Variants in CEP104 observed in about 807,000 individuals in gnomAD.
CEP104 encodes the protein centrosomal protein 104, also known as centrosomal protein of 104 kDa.
In CEP104, 84 loss-of-function variants were observed where a neutral mutation model predicts 113.3. The ratio of observed to expected loss-of-function variants is 0.74; its 90% CI spans 0.62 to 0.89. The LOEUF (loss-of-function observed/expected upper bound fraction) is 0.89. Ranked by LOEUF, CEP104 falls within the 40% of genes least tolerant of loss-of-function variation. CEP104 has a pLI of 0.00. For missense variants in CEP104, 1,053 were observed against 1,156.6 expected (o/e 0.91, Z 1.30); for synonymous variants, 378 against 421.7 (o/e 0.90, Z 1.27).
At position 3,836,592 on chromosome 1, in the gene CEP104, T is replaced by C. The variant is rs963375935; in HGVS notation, c.1220A>G (p.Asp407Gly). 1 of 1,590,920 alleles carries C rather than the reference T, an allele frequency of 6.3e-7. No individual in the cohort carries two copies. Among genetic ancestry groups the C allele is most frequent in the East Asian group, 2.3e-5 (1 of 43,236 alleles). ...EPEMSNADIS[D>G]ARRGGMLGEP... The stretch of plus-strand genomic sequence containing the variant: ...CCCTAACATGCCTCCCCTCCGAGCA[T>C]CGCTGATGTCTGCATTACTCATTTC... The change falls in exon 10 of 22, where the codon GAT becomes GGT. Residue 407 changes from aspartate to glycine, a missense_variant. Asp to Gly is a moderately conservative substitution (Grantham distance 94). Coordinates refer to ENST00000378230, the MANE Select transcript of CEP104 (RefSeq NM_014704.4).
chr1:3,824,098 T>TA (rs1644036356), intron 18 of CEP104, among the ~76,000 whole-genome samples: 1 of 152,166 alleles, frequency 6.6e-6, no homozygotes, highest in South Asian at 2.1e-4. Flanking sequence ...GATATATATA[T>TA]TTTTTGAGAT....
rs1362735648 is a variant in CEP104 at position 3,848,756 on chromosome 1, C to T, written c.139G>A (p.Val47Ile). 1.6e-5 allele frequency: 25 copies of T among 1,609,500 alleles called. No homozygotes were observed. The highest frequency in any genetic ancestry group is 2.1e-5 in the Non-Finnish European group (25 of 1,178,804). Residue 47 changes from valine (V) to isoleucine (I), a missense_variant, in exon 3 of 22, where the codon GTC becomes ATC. By Grantham distance (29) the Val-to-Ile change is conservative (BLOSUM62 3). Coordinates refer to ENST00000378230, the MANE Select transcript of CEP104 (RefSeq NM_014704.4). ...CGACATCTCTCCACCATTTGAAGGACAATTTCTTGTGGAAACTGGCAAAAT... is the reference window on the plus strand; with the variant it reads ...CGACATCTCTCCACCATTTGAAGGATAATTTCTTGTGGAAACTGGCAAAAT... The part of the protein sequence containing the change: ...PRFCQFPQEI[V>I]LQMVERCRIR...
intron 21 of CEP104, 21 bp from the exon 22 acceptor site, chr1:3,815,538 CT>C (rs1643867949): frequency 6.4e-7 from 1 of 1,553,094 alleles, no homozygotes; most frequent in Non-Finnish European, 8.7e-7. Flanking sequence ...AGCACAGGAC[CT>C]GCATTAGGAG....
At chr1:3,850,151 C>T (rs77472204) in intron 2 of CEP104, among the ~76,000 whole-genome samples, 649 of 152,314 alleles carry the variant, frequency 4.3e-3, no homozygotes, top group African/African-American at 0.015. Flanking sequence ...ACTGATGATG[C>T]ATTTCTCAGA....
intron 1 of CEP104, among the ~76,000 whole-genome samples, chr1:3,854,610 A>G (rs1397122516): frequency 6.7e-6 from 1 of 149,182 alleles, no homozygotes; most frequent in Admixed American, 6.6e-5. Context: ...CTGGGATTAC[A>G]GGCATGCACC....
intron 13 of CEP104, 127 bp downstream of exon 13, chr1:3,830,919 C>G (rs1336925622): frequency 6.1e-6 from 6 of 988,108 alleles, no homozygotes; most frequent in Admixed American, 5.8e-5. Context: ...GGATGAAACA[C>G]TGGCTATTTT....
chr1:3,829,859 T>C lies in CEP104; in HGVS notation c.1975A>G (p.Ile659Val), dbSNP rs766224711. The C allele has an allele frequency of 1.2e-6, 2 of 1,614,220 alleles. No homozygotes were observed. The highest frequency in any genetic ancestry group is 3.3e-5 in the Admixed American group (2 of 60,028). The change falls in exon 14 of 22, where the codon ATT becomes GTT. Residue 659 changes from isoleucine to valine, a missense_variant. By Grantham distance (29) the Ile-to-Val change is conservative (BLOSUM62 3). Transcript: ENST00000378230. ...CCCTCAAAAATTGTTTTGTAGAGAA[T>C]GTTCCTGCGTGTGTTGCTGTCGTCT... ...PPDDSNTRRN[I>V]LYKTIFEGFA...
chr1:3,832,740 A>C lies in CEP104; in HGVS notation c.1659+1122T>G, dbSNP rs1027774580. ...TTCTCTGTCACCCAGGCTAGAGTACAGTGGCGAGATCACGGCTCACTGCAG... is the reference window on the plus strand; with the variant it reads ...TTCTCTGTCACCCAGGCTAGAGTACCGTGGCGAGATCACGGCTCACTGCAG... On this transcript the variant is annotated intron_variant, in intron 12 of 21. Coordinates refer to ENST00000378230, the MANE Select transcript of CEP104 (RefSeq NM_014704.4). Among the ~76,000 whole-genome samples, 16 of 152,294 alleles carry C rather than the reference A, an allele frequency of 1.1e-4. 1 individual carries two copies. Among genetic ancestry groups the C allele is most frequent in the African/African-American group, 3.8e-4 (16 of 41,562 alleles).
At chr1:3,852,131 A>G (rs1206320016) in intron 2 of CEP104, among the ~76,000 whole-genome samples, 164 bp downstream of exon 2, 1 of 152,086 alleles carries the variant, frequency 6.6e-6, no homozygotes, top group Non-Finnish European at 1.5e-5. Flanking sequence ...ATTTTCTTTA[A>G]AAATATAAAC....
At chr1:3,848,414 C>T (rs938765454) in intron 3 of CEP104, among the ~76,000 whole-genome samples, 194 bp downstream of exon 3, 3 of 151,594 alleles carry the variant, frequency 2.0e-5, no homozygotes, top group East Asian at 1.9e-4. Flanking sequence ...CACCTGTAGT[C>T]CCAGCTACTC....
chr1:3,831,142 T>C lies in CEP104; in HGVS notation c.1740A>G (p.Ser580=). 1.2e-6 allele frequency: 2 copies of C among 1,614,260 alleles called. No homozygotes were observed. The highest frequency in any genetic ancestry group is 1.7e-5 in the Admixed American group (1 of 60,034). ...CCATCTGACTCATTGCCAGGTGAAC[T>C]GAAGAGTTTGCTTTCAATGGCTGCA... is the stretch of plus-strand genomic sequence containing the variant. ...YLVQPLKANS[S]VHLAMSQMGL... is the part of the protein sequence containing the mutation. The change falls in exon 13 of 22, where the codon TCA becomes TCG. Residue 580 remains serine (S), a synonymous_variant. Coordinates refer to ENST00000378230, the MANE Select transcript of CEP104 (RefSeq NM_014704.4).
In CEP104 at chr1:3,823,705, C is replaced by T. The variant is rs531049021; in HGVS notation, c.2365-143G>A. On this transcript the variant is annotated intron_variant, in intron 18 of 21. Transcript: ENST00000378230. The surrounding 1 kb of genome is among the most constrained non-coding windows in gnomAD (Gnocchi z 4.1). ...GAAGTAAGCCACAGGCTTCTATCTT[C>T]GGCATTTGCCCACAGACTGTCTGGA... 39 of 955,866 alleles carry T rather than the reference C, an allele frequency of 4.1e-5. No homozygotes were observed. The highest frequency in any genetic ancestry group is 2.3e-4 in the African/African-American group (14 of 61,318). 59.2% of individuals were successfully genotyped at this position (955,866 alleles called of 1,614,324 possible).
chr1:3,815,414 G>C lies in CEP104; in HGVS notation c.2766C>G (p.Tyr922Ter), dbSNP rs750794560. 1.2e-6 allele frequency: 2 copies of C among 1,611,570 alleles called. No individual in the cohort carries two copies. Among genetic ancestry groups the C allele is most frequent in the African/African-American group, 1.3e-5 (1 of 74,936 alleles). Residue 922 changes from tyrosine (Y) to a stop codon, truncating the protein, a stop_gained, in exon 22 of 22, where the codon TAC (tyrosine) becomes TAG (stop). Coordinates refer to ENST00000378230, the MANE Select transcript of CEP104 (RefSeq NM_014704.4). LOFTEE classifies it high-confidence loss of function. ...CCCGAGCGCCGCGTCAGCGCTTGGC[G>C]TACGTCCTGCTGGAGCTCTTGCTCA... is the stretch of plus-strand genomic sequence containing the variant. ...GGLSKSSSRT[Y>*]AKR
intron 14 of CEP104, among the ~76,000 whole-genome samples, 165 bp from the exon 15 acceptor site, chr1:3,829,538 T>A (rs555483380): frequency 2.6e-5 from 4 of 152,230 alleles, no homozygotes; most frequent in Non-Finnish European, 4.4e-5. Context: ...TGGTGTCTAT[T>A]GATAGATAAA....
intron 1 of CEP104, 90 bp from the exon 2 acceptor site, chr1:3,852,511 C>G: frequency 8.4e-7 from 1 of 1,190,128 alleles, no homozygotes; most frequent in South Asian, 1.6e-5. Context: ...CTTGCTAACA[C>G]ACACAATAAT....
In CEP104 at chr1:3,833,129, C is replaced by T. The variant is rs187614172; in HGVS notation, c.1659+733G>A. 6.4e-3 allele frequency among the ~76,000 whole-genome samples: 980 copies of T among 152,020 alleles called. 12 individuals are homozygous for T. The highest frequency in any genetic ancestry group is 0.022 in the African/African-American group (908 of 41,470). On this transcript the variant is annotated intron_variant, in intron 12 of 21. Coordinates refer to ENST00000378230, the MANE Select transcript of CEP104 (RefSeq NM_014704.4). ...CCAAGTAGCTGGGACGACAGGCACG[C>T]ACCACCACACCCGGCTAATTTTTGG... is the stretch of plus-strand genomic sequence containing the variant.
intron 6 of CEP104, 92 bp downstream of exon 6, chr1:3,844,815 G>A: frequency 2.0e-6 from 2 of 1,020,320 alleles, no homozygotes. Flanking sequence ...GAATTTAGAG[G>A]CTCTAAGTCC....
At chr1:3,848,863 A>C in intron 2 of CEP104, 82 bp from the exon 3 acceptor site, 1 of 1,163,012 alleles carries the variant, frequency 8.6e-7, no homozygotes, top group Non-Finnish European at 1.2e-6. Context: ...CTTGCAGGTA[A>C]GAAGCATTAA....
At chr1:3,827,211 A>AC (rs1644109121) in intron 15 of CEP104, among the ~76,000 whole-genome samples, 1 of 152,122 alleles carries the variant, frequency 6.6e-6, no homozygotes, top group Admixed American at 6.5e-5. Flanking sequence ...AAAAGAGCAC[A>AC]ATTTTGTTCT....
Sources: gnomAD v4.1 joint callset for allele counts (sites outside exome capture counted in the v4.1 genomes callset) on GRCh38, gnomAD v4.1.1 for gene constraint, Gnocchi (gnomAD v3.1) non-coding constraint, MANE v1.5 for transcripts, NCBI Gene and HGNC (gene_info 2026-07-23, HGNC 2026-07-21) for gene names.